EPHA3: variants seen among roughly 807,000 people sequenced by gnomAD.
The protein encoded by EPHA3 is ephrin type-A receptor 3.
In EPHA3, 42 loss-of-function variants were observed where a neutral mutation model predicts 107.1. The observed-to-expected ratio is 0.39, with a 90% CI of 0.31 to 0.51. The LOEUF is 0.51. Ranked by LOEUF, EPHA3 falls within the 20% of genes least tolerant of loss-of-function variation. The pLI, the probability that EPHA3 is intolerant of heterozygous loss-of-function variation, is 0.78. For synonymous variants in EPHA3, 461 were observed against 424.8 expected (o/e 1.09, Z -1.05); for missense variants, 1,183 against 1,211.2 (o/e 0.98, Z 0.35).
At chr3:89,345,694 C>T (rs1170002114) in intron 5 of EPHA3, among the ~76,000 whole-genome samples, 5 of 145,278 alleles carry the variant, frequency 3.4e-5, no homozygotes, top group Non-Finnish European at 7.6e-5. Flanking sequence ...TATACATGTG[C>T]CGTGCTGGTG....
chr3:89,185,378 A>G (rs1356418891), intron 2 of EPHA3, among the ~76,000 whole-genome samples: 1 of 152,060 alleles, frequency 6.6e-6, no homozygotes, highest in Non-Finnish European at 1.5e-5. Flanking sequence ...TAAGCATTTT[A>G]TTGGCTACTT....
At chr3:89,258,716 T>C (rs1705344475) in intron 3 of EPHA3, among the ~76,000 whole-genome samples, 1 of 152,202 alleles carries the variant, frequency 6.6e-6, no homozygotes, top group Non-Finnish European at 1.5e-5. Flanking sequence ...TAGCAGATTA[T>C]GCCACTTATT....
At chr3:89,202,530 A>T (rs1427577244) in intron 2 of EPHA3, among the ~76,000 whole-genome samples, 333 of 27,278 alleles carry the variant, frequency 0.012, no homozygotes, top group East Asian at 0.075. Flanking sequence ...AAAAAAAAAA[A>T]AAAAATATAT....
chr3:89,371,583 G>C (rs1708304588), intron 5 of EPHA3, among the ~76,000 whole-genome samples: 1 of 151,530 alleles, frequency 6.6e-6, no homozygotes, highest in South Asian at 2.1e-4. Flanking sequence ...CTGTCAGCCA[G>C]GGCCACCTCC....
In EPHA3 at chr3:89,285,140, A is replaced by G. The variant is rs1214991438; in HGVS notation, c.815-55776A>G. On this transcript the variant is annotated intron_variant, in intron 3 of 16. Transcript: ENST00000336596. ...TCTGTCTCAAATAAATAAATACAAT[A>G]AAAAAATAAAAATATGTCACATCAC... Among the ~76,000 whole-genome samples the G allele has an allele frequency of 3.9e-5, 6 of 152,212 alleles. No homozygotes were observed. The South Asian group carries it at 8.3e-4, about 21-fold the overall frequency.
At chr3:89,412,686 A>AT (rs1709177834) in intron 9 of EPHA3, among the ~76,000 whole-genome samples, 1 of 151,786 alleles carries the variant, frequency 6.6e-6, no homozygotes, top group African/African-American at 2.4e-5. Flanking sequence ...AATTGCAGCC[A>AT]TTATCTCACC....
At chr3:89,219,701 TTGTTTTTTG>T (rs1401997279) in intron 3 of EPHA3, among the ~76,000 whole-genome samples, 139 of 11,296 alleles carry the variant, frequency 0.012, 31 homozygotes, top group African/African-American at 0.022. Context: ...TTTTTTTTTT[TTGTTTTTTG>T]TTTTTTTTTT....
intron 1 of EPHA3, among the ~76,000 whole-genome samples, chr3:89,116,452 G>A (rs1707256062): frequency 6.6e-6 from 1 of 152,070 alleles, no homozygotes; most frequent in Non-Finnish European, 1.5e-5. Context: ...ATAAATTTTA[G>A]TGATTTAGCT....
rs559551076 is a variant in EPHA3 at position 89,480,565 on chromosome 3, C to A, written c.*1063C>A. The A allele has an allele frequency of 4.3e-6, 1 of 232,988 alleles. No homozygotes were observed. The highest frequency in any genetic ancestry group is 1.8e-4 in the South Asian group (1 of 5,516). 14.4% of individuals were successfully genotyped at this position (232,988 alleles called of 1,614,324 possible). ...TAGCTCCACTGGAGAGAAGTGGAATCCTATATAGAATGCTGCACTAATTGA... is the reference window on the plus strand; with the variant it reads ...TAGCTCCACTGGAGAGAAGTGGAATACTATATAGAATGCTGCACTAATTGA... On this transcript the variant is annotated 3_prime_UTR_variant, in exon 17 of 17. Coordinates refer to ENST00000336596, the MANE Select transcript of EPHA3 (RefSeq NM_005233.6).
chr3:89,127,718 C>CA (rs1704122507), intron 2 of EPHA3, among the ~76,000 whole-genome samples: 1 of 151,870 alleles, frequency 6.6e-6, no homozygotes, highest in Non-Finnish European at 1.5e-5. Context: ...ACAGTATAAA[C>CA]CTATGTTGTC....
intron 7 of EPHA3, among the ~76,000 whole-genome samples, chr3:89,406,988 A>G (rs1022983760): frequency 6.6e-6 from 1 of 152,170 alleles, no homozygotes; most frequent in African/African-American, 2.4e-5. Context: ...CCAGTACAGC[A>G]TATTTTGGAC....
intron 3 of EPHA3, among the ~76,000 whole-genome samples, chr3:89,328,970 T>C (rs1396625219): frequency 6.6e-6 from 1 of 152,134 alleles, no homozygotes; most frequent in Non-Finnish European, 1.5e-5. Flanking sequence ...TGCCGCTGTC[T>C]AAGATGTAAC....
chr3:89,349,568 C>T (rs1224257854), intron 5 of EPHA3, among the ~76,000 whole-genome samples: 1 of 146,860 alleles, frequency 6.8e-6, no homozygotes, highest in Non-Finnish European at 1.5e-5. Flanking sequence ...GACTCTTTAT[C>T]CAATTTGCCA....
At chr3:89,335,228 A>G (rs886752920) in intron 3 of EPHA3, among the ~76,000 whole-genome samples, 4 of 152,194 alleles carry the variant, frequency 2.6e-5, no homozygotes, top group Non-Finnish European at 5.9e-5. Flanking sequence ...GGGCCAGCAT[A>G]TTCGGTGTCT....
intron 5 of EPHA3, among the ~76,000 whole-genome samples, chr3:89,379,198 TAATC>T (rs142842707): frequency 0.016 from 2,431 of 152,278 alleles, 66 homozygotes; most frequent in African/African-American, 0.055. Flanking sequence ...TTGCATTTCT[TAATC>T]AAGTAATATG....
intron 2 of EPHA3, among the ~76,000 whole-genome samples, chr3:89,151,626 A>T (rs553502522): frequency 6.6e-5 from 10 of 152,086 alleles, no homozygotes; most frequent in African/African-American, 2.4e-4. Context: ...AGAAAATTAG[A>T]CTTGTGTATG....
chr3:89,267,873 A>G (rs1705574942), intron 3 of EPHA3, among the ~76,000 whole-genome samples: 1 of 152,170 alleles, frequency 6.6e-6, no homozygotes, highest in Admixed American at 6.6e-5. Flanking sequence ...TGAGAAAAGA[A>G]CAACAGATAA....
intron 3 of EPHA3, among the ~76,000 whole-genome samples, chr3:89,289,147 T>G (rs1327510752): frequency 1.3e-5 from 2 of 152,150 alleles, no homozygotes; most frequent in African/African-American, 4.8e-5. Context: ...GGCATGCTCA[T>G]GGTCACAGAG....
intron 2 of EPHA3, among the ~76,000 whole-genome samples, chr3:89,199,285 A>G (rs773133764): frequency 1.3e-4 from 20 of 152,190 alleles, no homozygotes; most frequent in Non-Finnish European, 2.8e-4. Context: ...TCATCACGAT[A>G]GTTTTAAAAA....
Sources: allele counts gnomAD v4.1 joint callset (sites outside exome capture counted in the v4.1 genomes callset), GRCh38; gene constraint gnomAD v4.1.1; transcripts MANE v1.5; gene names NCBI Gene and HGNC (gene_info 2026-07-23, HGNC 2026-07-21).